SMNDC1: variants seen among roughly 807,000 people sequenced by gnomAD.
SMNDC1 encodes the protein survival of motor neuron-related-splicing factor 30.
In SMNDC1, 5 loss-of-function variants were observed where a neutral mutation model predicts 29.2. That is an observed-to-expected ratio of 0.17 (90% CI 0.09 to 0.36). SMNDC1 has a LOEUF of 0.36. Ranked by LOEUF, SMNDC1 falls within the 10% of genes least tolerant of loss-of-function variation. The probability of loss-of-function intolerance (pLI) is 1.00; values close to 1 mark genes in which losing one functional copy is unlikely to be tolerated. For synonymous variants in SMNDC1, 80 were observed against 89.9 expected (o/e 0.89, Z 0.62); for missense variants, 142 against 268.5 (o/e 0.53, Z 3.29).
chr10:110,303,395 G>T, intron 2 of SMNDC1, 73 bp downstream of exon 2: 1 of 1,414,764 alleles, frequency 7.1e-7, no homozygotes, highest in Non-Finnish European at 9.4e-7. Context: ...CTCAAAAGGC[G>T]CTTTGGGTAC....
intron 4 of SMNDC1, among the ~76,000 whole-genome samples, chr10:110,296,299 G>C (rs1205872636): frequency 6.6e-6 from 1 of 152,094 alleles, no homozygotes; most frequent in Non-Finnish European, 1.5e-5. Flanking sequence ...TGAAAAGAAA[G>C]ATCCTTAAGA....
chr10:110,302,080 G>A (rs183911740), intron 2 of SMNDC1, among the ~76,000 whole-genome samples: 1 of 152,288 alleles, frequency 6.6e-6, no homozygotes, highest in East Asian at 1.9e-4. Flanking sequence ...GCTTAAGTTG[G>A]TAAAGGTAGT....
rs75874186 is a variant in SMNDC1 at position 110,301,056 on chromosome 10, G to C, written c.121-2266C>G. Among the ~76,000 whole-genome samples the C allele has an allele frequency of 5.3e-5, 8 of 152,298 alleles. No homozygotes were observed. The East Asian group carries it at 1.5e-3, about 29-fold the overall frequency. The stretch of plus-strand genomic sequence containing the variant: ...AAAGCATTTTGTCATAAAACAAAGG[G>C]CAAACAAATTAATAACTGGGATAAG... On this transcript the variant is annotated intron_variant, in intron 2 of 5. Transcript: ENST00000369603.
chr10:110,302,947 A>C (rs1857676206), intron 2 of SMNDC1, among the ~76,000 whole-genome samples: 1 of 152,176 alleles, frequency 6.6e-6, no homozygotes, highest in Non-Finnish European at 1.5e-5. Flanking sequence ...TCTATGTAAC[A>C]ATTATACAAA....
In SMNDC1 at chr10:110,292,205, CTA is replaced by C. The variant is rs1843552710; in HGVS notation, c.*1943_*1944del. 1 of 152,134 alleles carries C rather than the reference CTA, an allele frequency of 6.6e-6. No individual in the cohort carries two copies. The highest frequency in any genetic ancestry group is 1.5e-5 in the Non-Finnish European group (1 of 68,016). 9.4% of individuals were successfully genotyped at this position (152,134 alleles called of 1,614,324 possible). A position where few individuals can be genotyped will look rare whatever the true frequency, so the allele number is the denominator to read the frequency against. ...CAGAGACACAAACATCATCCTGACACTAGGATTTTCCAAAGGGCCACATCTAG... is the reference window on the plus strand; with the variant it reads ...CAGAGACACAAACATCATCCTGACACGGATTTTCCAAAGGGCCACATCTAG... On this transcript the variant is annotated 3_prime_UTR_variant, in exon 6 of 6. Coordinates refer to ENST00000369603, the MANE Select transcript of SMNDC1 (RefSeq NM_005871.4).
At chr10:110,303,717 C>T in intron 1 of SMNDC1, 130 bp from the exon 2 acceptor site, 1 of 746,840 alleles carries the variant, frequency 1.3e-6, no homozygotes, top group East Asian at 3.2e-5. Flanking sequence ...GCTTAATTTA[C>T]CACCATTACC....
chr10:110,300,861 T>G, intron 2 of SMNDC1: 1 of 255,650 alleles, frequency 3.9e-6, no homozygotes, highest in Non-Finnish European at 6.1e-6. Flanking sequence ...GTCAGCTAGC[T>G]AGCCTGGATT....
At chr10:110,295,463 A>G in intron 4 of SMNDC1, 82 bp from the exon 5 acceptor site, 2 of 1,067,628 alleles carry the variant, frequency 1.9e-6, no homozygotes, top group Non-Finnish European at 2.6e-6. Flanking sequence ...CAGTGCAAAA[A>G]AAAAATCTAA....
In SMNDC1 at chr10:110,298,684, C is replaced by T; in HGVS notation, c.227G>A (p.Gly76Glu). Residue 76 changes from glycine to glutamate, a missense_variant, in exon 3 of 6, where the codon GGA becomes GAA. By Grantham distance (98) the Gly-to-Glu change is moderately conservative (BLOSUM62 -2). This residue lies in a region of SMNDC1 where 65 missense variants were observed against 75.9 expected (regional missense o/e 0.86). Coordinates refer to ENST00000369603, the MANE Select transcript of SMNDC1 (RefSeq NM_005871.4). ...STQPTHSWKVGDKCMAVWSED... is the reference protein window; with the variant it reads ...STQPTHSWKVEDKCMAVWSED... The stretch of plus-strand genomic sequence containing the variant: ...ACTCCAGACTGCCATACACTTGTCT[C>T]CTACTTTCCATGAATGAGTAGGTTG... The T allele has an allele frequency of 6.2e-7, 1 of 1,613,652 alleles. No individual in the cohort carries two copies.
intron 3 of SMNDC1, 41 bp downstream of exon 3, chr10:110,298,607 T>C (rs752337652): frequency 6.5e-7 from 1 of 1,527,502 alleles, no homozygotes; most frequent in South Asian, 1.2e-5. Flanking sequence ...TTGTATTTTA[T>C]TATTTCATGT....
At chr10:110,297,173 CCT>C (rs1238344204) in intron 4 of SMNDC1, among the ~76,000 whole-genome samples, 4 of 152,272 alleles carry the variant, frequency 2.6e-5, no homozygotes, top group African/African-American at 9.6e-5. Flanking sequence ...CCTTACAGTA[CCT>C]GTTATAGCTC....
chr10:110,296,220 T>C (rs934620618), intron 4 of SMNDC1, among the ~76,000 whole-genome samples: 2 of 152,138 alleles, frequency 1.3e-5, no homozygotes, highest in African/African-American at 4.8e-5. Context: ...AATAAGATTC[T>C]AAATAGGATC....
chr10:110,293,970 A>G lies in SMNDC1; in HGVS notation c.*180T>C. 1 of 482,324 alleles carries G rather than the reference A, an allele frequency of 2.1e-6. No homozygotes were observed. The highest frequency in any genetic ancestry group is 3.6e-6 in the Non-Finnish European group (1 of 280,968). The allele number at this position is 482,324 out of a possible 1,614,324, so 29.9% of individuals were successfully genotyped here. A position where few individuals can be genotyped will look rare whatever the true frequency, so the allele number is the denominator to read the frequency against. On this transcript the variant is annotated 3_prime_UTR_variant, in exon 6 of 6. Transcript: ENST00000369603. ...GGAACCGTGGTACTGATAATGAGAA[A>G]AGTTAAATGAATAGCAGTTATCAAA...
rs1857507862 is a variant in SMNDC1, at chr10:110,292,283, C to CT, written c.*1866_*1867insA. On this transcript the variant is annotated 3_prime_UTR_variant, in exon 6 of 6. Coordinates refer to ENST00000369603, the MANE Select transcript of SMNDC1 (RefSeq NM_005871.4). ...TCATTCTAAAGGTCTATTTTCAAAA[C>CT]ATTTTTTTTTAAGGTCACTTTTATT... 1 of 44,160 alleles carries CT rather than the reference C, an allele frequency of 2.3e-5. No individual in the cohort carries two copies. Among genetic ancestry groups the CT allele is most frequent in the Non-Finnish European group, 3.9e-5 (1 of 25,768 alleles). The allele number at this position is 44,160 out of a possible 1,614,324, so 2.7% of individuals were successfully genotyped here.
chr10:110,304,091 CA>C (rs1250126451), intron 1 of SMNDC1: 4 of 152,384 alleles, frequency 2.6e-5, no homozygotes, highest in African/African-American at 7.2e-5. Flanking sequence ...CTCTCCAAAA[CA>C]AAAATCTTTC....
At chr10:110,303,411 G>C in intron 2 of SMNDC1, 57 bp downstream of exon 2, 1 of 1,502,668 alleles carries the variant, frequency 6.7e-7, no homozygotes, top group Non-Finnish European at 8.9e-7. Flanking sequence ...GGTACTTAGG[G>C]ATTCAAGCAA....
chr10:110,296,977 C>CA (rs1857571446), intron 4 of SMNDC1, among the ~76,000 whole-genome samples: 1 of 152,200 alleles, frequency 6.6e-6, no homozygotes, highest in African/African-American at 2.4e-5. Context: ...GATGAGGAAA[C>CA]AGAGTTAAAC....
chr10:110,297,538 C>A, intron 4 of SMNDC1, 29 bp downstream of exon 4: 1 of 1,604,058 alleles, frequency 6.2e-7, no homozygotes, highest in Non-Finnish European at 8.5e-7. Context: ...GAAGATTGCA[C>A]CTAAAATGGA....
chr10:110,297,916 C>T (rs1285278126), intron 3 of SMNDC1, among the ~76,000 whole-genome samples, 188 bp from the exon 4 acceptor site: 1 of 152,122 alleles, frequency 6.6e-6, no homozygotes, highest in African/African-American at 2.4e-5. Context: ...AAGGACATCC[C>T]AATCATAATA....
Sources: allele counts gnomAD v4.1 joint callset (sites outside exome capture counted in the v4.1 genomes callset), GRCh38; gene constraint gnomAD v4.1.1; regional missense constraint gnomAD v4.1.1; transcripts MANE v1.5; gene names NCBI Gene and HGNC (gene_info 2026-07-23, HGNC 2026-07-21).